LPIN1: variants seen among roughly 807,000 people sequenced by gnomAD.
LPIN1 encodes lipin 1.
LPIN1 carries 71 observed loss-of-function variants against 107.5 expected under a neutral mutation model. The observed-to-expected ratio is 0.66, with a 90% CI of 0.55 to 0.80. The LOEUF is 0.80. Among genes scored for constraint, LPIN1 ranks in the 30% least tolerant of loss-of-function variants. The pLI, the probability that LPIN1 is intolerant of heterozygous loss-of-function variation, is 0.00. For missense variants in LPIN1, 1,043 were observed against 1,160.6 expected (o/e 0.90, Z 1.47); for synonymous variants, 445 against 452.6 (o/e 0.98, Z 0.21).
At chr2:11,689,974 C>A (rs1385669525) in intron 1 of LPIN1, among the ~76,000 whole-genome samples, 1 of 152,206 alleles carries the variant, frequency 6.6e-6, no homozygotes. Flanking sequence ...TTATTTATTA[C>A]TTCTATACTC....
intron 1 of LPIN1, among the ~76,000 whole-genome samples, chr2:11,730,975 C>A (rs545861835): frequency 6.6e-6 from 1 of 152,166 alleles, no homozygotes; most frequent in South Asian, 2.1e-4. Flanking sequence ...CTGATTAAGA[C>A]GCAGCGGTAG....
intron 13 of LPIN1, among the ~76,000 whole-genome samples, chr2:11,794,031 G>A (rs1337987917): frequency 6.6e-6 from 1 of 152,178 alleles, no homozygotes; most frequent in East Asian, 1.9e-4. Context: ...CTCTATTTAT[G>A]CCATTAGTTG....
intron 3 of LPIN1, among the ~76,000 whole-genome samples, chr2:11,770,923 A>G (rs867293005): frequency 3.4e-4 from 51 of 148,664 alleles, no homozygotes; most frequent in Middle Eastern, 3.4e-3. Context: ...CATTGCATAT[A>G]AAAAATACAC....
chr2:11,677,562 C>T (rs889558053), upstream of LPIN1: 7 of 1,015,592 alleles, frequency 6.9e-6, no homozygotes, highest in South Asian at 1.4e-5. Flanking sequence ...CCAGCCCAGC[C>T]TCCCAGCTTC....
At chr2:11,762,020 T>G (rs1669915387) in intron 1 of LPIN1, among the ~76,000 whole-genome samples, 1 of 152,084 alleles carries the variant, frequency 6.6e-6, no homozygotes, top group Non-Finnish European at 1.5e-5. Context: ...TCCCACAAGC[T>G]GTCCCTCACT....
chr2:11,809,382 G>A (rs1679264492), intron 17 of LPIN1, among the ~76,000 whole-genome samples: 1 of 152,104 alleles, frequency 6.6e-6, no homozygotes, highest in African/African-American at 2.4e-5. Context: ...CAAGCCAGTG[G>A]ACTGAAAATG....
chr2:11,786,946 A>G lies in LPIN1; in HGVS notation c.1550-128A>G. 1 of 729,080 alleles carries G rather than the reference A, an allele frequency of 1.4e-6. No individual in the cohort carries two copies. The highest frequency in any genetic ancestry group is 2.5e-6 in the Non-Finnish European group (1 of 399,108). 45.2% of individuals were successfully genotyped at this position (729,080 alleles called of 1,614,324 possible). On this transcript the variant is annotated intron_variant, in intron 10 of 20. Coordinates refer to ENST00000674199, the MANE Select transcript of LPIN1 (RefSeq NM_001349206.2). This position sits in a 1 kb window ranked among gnomAD's most constrained non-coding sequence, Gnocchi z 4.1. Reference sequence around the variant, plus strand: ...GGCCTTTACAAATACATTTTATAGGATTGTCTGCACAGTTGGAATGCACAA... The same window carrying G: ...GGCCTTTACAAATACATTTTATAGGGTTGTCTGCACAGTTGGAATGCACAA...
rs190715674 is a variant in LPIN1, at chr2:11,705,016, C to G, written c.82-8740C>G. On this transcript the variant is annotated intron_variant, in intron 1 of 21. Coordinates refer to the LPIN1 transcript ENST00000449576. ...TGTGGGAACTTCCACTGGTTACCGG[C>G]CACAGGATTGATCAGACAAAAGCCC... Among the ~76,000 whole-genome samples the G allele has an allele frequency of 1.4e-4, 22 of 152,330 alleles. No individual in the cohort carries two copies. In the East Asian group the frequency reaches 3.7e-3, roughly 25 times the overall value.
rs1681311393 is a variant in LPIN1 at position 11,820,422 on chromosome 2, A to C, written c.2529A>C (p.Ser843=). The change falls in exon 20 of 21, where the codon TCA becomes TCC. Residue 843 remains serine, a synonymous_variant. Coordinates refer to ENST00000674199, the MANE Select transcript of LPIN1 (RefSeq NM_001349206.2). The part of the protein sequence containing the change: ...AFGNRPADVY[S]YKQVGVSLNR... ...TTTACCAAATATAGGATGTGTATTC[A>C]TACAAGCAAGTAGGAGTGTCTTTGA... The C allele has an allele frequency of 1.2e-6, 2 of 1,607,664 alleles. No individual in the cohort carries two copies. Among genetic ancestry groups the C allele is most frequent in the Admixed American group, 1.7e-5 (1 of 60,000 alleles).
Position 11,784,303 on chromosome 2 carries a change from C to CACAA in LPIN1, c.1358+382_1358+383insCAAA. 6 of 822,896 alleles carry CACAA rather than the reference C, an allele frequency of 7.3e-6. No homozygotes were observed. In the African/African-American group the frequency reaches 1.4e-4, roughly 20 times the overall value. 51.0% of individuals were successfully genotyped at this position (822,896 alleles called of 1,614,324 possible). A position where few individuals can be genotyped will look rare whatever the true frequency, so the allele number is the denominator to read the frequency against. ...TGGGCCACAGAGTGAGACTCCATCT[C>CACAA]AAAAAAAAAAAAAAAAAAAAAGTGT... On this transcript the variant is annotated intron_variant, in intron 9 of 20. Transcript: ENST00000674199.
At chr2:11,739,076 G>A (rs1666079695) in intron 1 of LPIN1, among the ~76,000 whole-genome samples, 1 of 152,262 alleles carries the variant, frequency 6.6e-6, no homozygotes. Flanking sequence ...TGGTGAAAGT[G>A]ACGATGATGG....
intron 17 of LPIN1, among the ~76,000 whole-genome samples, chr2:11,812,334 C>A (rs190440133): frequency 6.6e-6 from 1 of 152,070 alleles, no homozygotes; most frequent in African/African-American, 2.4e-5. Flanking sequence ...GAGATACAGT[C>A]GAATGAAGGA....
intron 6 of LPIN1, 79 bp downstream of exon 6, chr2:11,776,272 C>A: frequency 1.2e-6 from 1 of 847,732 alleles, no homozygotes; most frequent in Non-Finnish European, 1.8e-6. Context: ...GTCTATTTTA[C>A]CATTAACCAA....
rs571521639 is a variant in LPIN1, at chr2:11,815,192, A to G, written c.2354A>G (p.Gln785Arg). 1.9e-6 allele frequency: 3 copies of G among 1,614,088 alleles called. No homozygotes were observed. Among genetic ancestry groups the G allele is most frequent in the Non-Finnish European group, 2.5e-6 (3 of 1,179,986 alleles). Residue 785 changes from glutamine (Q) to arginine (R), a missense_variant, in exon 18 of 21, where the codon CAG becomes CGG. Gln to Arg is a conservative substitution (Grantham distance 43). Transcript: ENST00000674199. ...WVNERGTVLPQGPLLLSPSSL... is the reference protein window; with the variant it reads ...WVNERGTVLPRGPLLLSPSSL... ...AACGAGAGGGGCACGGTGCTGCCCC[A>G]GGGGCCCCTGCTGCTGAGTCCCAGC...
At chr2:11,693,401 G>A (rs1399798275) in intron 1 of LPIN1, among the ~76,000 whole-genome samples, 1 of 152,052 alleles carries the variant, frequency 6.6e-6, no homozygotes, top group Non-Finnish European at 1.5e-5. Flanking sequence ...GTCTGAGCTG[G>A]TCTAAATCTA....
At chr2:11,810,662 G>C (rs1025011106) in intron 17 of LPIN1, among the ~76,000 whole-genome samples, 1 of 152,158 alleles carries the variant, frequency 6.6e-6, no homozygotes, top group Non-Finnish European at 1.5e-5. Context: ...GCAGTGTCCA[G>C]AGATGCTTTT....
intron 1 of LPIN1, among the ~76,000 whole-genome samples, chr2:11,695,216 G>T (rs1333937875): frequency 6.6e-6 from 1 of 152,188 alleles, no homozygotes; most frequent in Non-Finnish European, 1.5e-5. Context: ...ATGGTGGGCA[G>T]TTCATAAACA....
intron 2 of LPIN1, among the ~76,000 whole-genome samples, chr2:11,716,193 G>C (rs1432442093): frequency 6.6e-6 from 1 of 152,138 alleles, no homozygotes; most frequent in Non-Finnish European, 1.5e-5. Flanking sequence ...ACGCTGGAGG[G>C]CGCATGGCAT....
At chr2:11,722,847 T>C (rs894039162), upstream of LPIN1, among the ~76,000 whole-genome samples, 1 of 152,208 alleles carries the variant, frequency 6.6e-6, no homozygotes, top group East Asian at 1.9e-4. Flanking sequence ...GATTGGTGAA[T>C]ATTTTAGGAA....
Sources: allele counts gnomAD v4.1 joint callset (sites outside exome capture counted in the v4.1 genomes callset), GRCh38; gene constraint gnomAD v4.1.1; non-coding constraint Gnocchi (gnomAD v3.1); transcripts MANE v1.5; gene names NCBI Gene and HGNC (gene_info 2026-07-23, HGNC 2026-07-21).